The following ZDHHC13 variants were observed in gnomAD, a reference collection of about 807,000 sequenced individuals.
ZDHHC13 encodes the protein zDHHC palmitoyltransferase 13.
A neutral mutation model predicts 86.0 loss-of-function variants in ZDHHC13; 85 were observed. The ratio of observed to expected loss-of-function variants is 0.99; its 90% confidence interval spans 0.83 to 1.18. The LOEUF is 1.18. ZDHHC13 is among the 50% of genes most tolerant of loss of function. The pLI is 0.00. For synonymous variants in ZDHHC13, 263 were observed against 246.4 expected, an observed-to-expected ratio of 1.07 and a Z score of -0.63; for missense variants, 711 against 730.2, an observed-to-expected ratio of 0.97 and a Z score of 0.30.
At chr11:19,136,775 A>C (rs1214060811) in intron 1 of ZDHHC13, among the ~76,000 whole-genome samples, 1 of 152,090 alleles carries the variant, frequency 6.6e-6, no homozygotes, top group Non-Finnish European at 1.5e-5. Context: ...CAACATTCTT[A>C]AAGAAAAGAA....
chr11:19,122,869 A>G (rs1215116775), intron 1 of ZDHHC13, among the ~76,000 whole-genome samples: 1 of 152,132 alleles, frequency 6.6e-6, no homozygotes, highest in Non-Finnish European at 1.5e-5. Context: ...TACTTTCCTC[A>G]CTTTGTAGAT....
intron 14 of ZDHHC13, chr11:19,169,653 A>C: frequency 1.0e-6 from 1 of 985,506 alleles, no homozygotes; most frequent in Non-Finnish European, 1.2e-6. Context: ...CATTGGATTT[A>C]CATAACCTTG....
At chr11:19,167,304 G>A (rs16936270) in intron 14 of ZDHHC13, 16,570 of 152,080 alleles carry the variant, frequency 0.11, 1,002 homozygotes, top group Middle Eastern at 0.15. Flanking sequence ...GAGTAATTCC[G>A]AAAGACATTA....
At position 19,176,375 on chromosome 11, in the gene ZDHHC13, C is replaced by G. The variant is rs1850364280; in HGVS notation, c.*415C>G. On this transcript the variant is annotated 3_prime_UTR_variant, in exon 17 of 17. Coordinates refer to ENST00000446113, the MANE Select transcript of ZDHHC13 (RefSeq NM_019028.3). ...TGTAAAAAATATTTAAATAGATGTA[C>G]CTGTTTTGCTTTCACACTTAATAAA... The G allele has an allele frequency of 6.5e-6, 1 of 152,918 alleles. No homozygotes were observed. The highest frequency in any genetic ancestry group is 2.4e-5 in the African/African-American group (1 of 41,348). 9.5% of individuals were successfully genotyped at this position (152,918 alleles called of 1,614,324 possible). A position where few individuals can be genotyped will look rare whatever the true frequency, so the allele number is the denominator to read the frequency against.
chr11:19,140,329 TG>T (rs1849277722), intron 1 of ZDHHC13, among the ~76,000 whole-genome samples: 1 of 152,186 alleles, frequency 6.6e-6, no homozygotes. Flanking sequence ...TCACCATCAC[TG>T]GCCATCAGAG....
intron 1 of ZDHHC13, among the ~76,000 whole-genome samples, chr11:19,123,058 A>G (rs1848792012): frequency 6.6e-6 from 1 of 152,232 alleles, no homozygotes; most frequent in Non-Finnish European, 1.5e-5. Context: ...TCTGTCTCTG[A>G]CATATCTCCC....
chr11:19,169,663 G>T (rs1850167521), intron 14 of ZDHHC13: 4 of 985,470 alleles, frequency 4.1e-6, no homozygotes, highest in Non-Finnish European at 3.6e-6. Context: ...ACATAACCTT[G>T]AAGATCCGTT....
intron 1 of ZDHHC13, among the ~76,000 whole-genome samples, chr11:19,129,873 A>G (rs1036847674): frequency 5.3e-5 from 8 of 152,116 alleles, no homozygotes; most frequent in Admixed American, 2.6e-4. Context: ...CGGGTGGATC[A>G]TGAGGTCAGG....
chr11:19,155,633 C>T (rs1168030691), intron 8 of ZDHHC13, among the ~76,000 whole-genome samples, 163 bp from the exon 9 acceptor site: 3 of 149,090 alleles, frequency 2.0e-5, no homozygotes, highest in African/African-American at 4.9e-5. Flanking sequence ...ATCTCTCAAA[C>T]CTCAAATTTA....
At chr11:19,139,522 T>C (rs1415586503) in intron 1 of ZDHHC13, among the ~76,000 whole-genome samples, 1 of 128,832 alleles carries the variant, frequency 7.8e-6, no homozygotes, top group Non-Finnish European at 1.7e-5. Context: ...GCCATCCCCA[T>C]CAAGCTACCA....
intron 1 of ZDHHC13, among the ~76,000 whole-genome samples, chr11:19,131,966 A>T (rs959523881): frequency 7.9e-5 from 12 of 152,148 alleles, no homozygotes; most frequent in Non-Finnish European, 1.3e-4. Context: ...CATATCTTCA[A>T]TTTCTTTGCT....
At chr11:19,137,200 C>T (rs1849165991) in intron 1 of ZDHHC13, among the ~76,000 whole-genome samples, 1 of 151,452 alleles carries the variant, frequency 6.6e-6, no homozygotes, top group Admixed American at 6.6e-5. Flanking sequence ...CACATAGGCT[C>T]AAAATAAAAG....
intron 1 of ZDHHC13, among the ~76,000 whole-genome samples, chr11:19,133,400 C>T (rs1279044993): frequency 6.6e-6 from 1 of 150,772 alleles, no homozygotes; most frequent in South Asian, 2.1e-4. Flanking sequence ...CACACACACA[C>T]ACACACATAT....
rs1590072470 is a variant in ZDHHC13 at position 19,143,183 on chromosome 11, G to T, written c.173+60G>T. 3.3e-6 allele frequency: 5 copies of T among 1,523,424 alleles called. No individual in the cohort carries two copies. In the Admixed American group the frequency reaches 9.9e-5, roughly 30 times the overall value. 94.4% of individuals were successfully genotyped at this position (1,523,424 alleles called of 1,614,324 possible). A position where few individuals can be genotyped will look rare whatever the true frequency, so the allele number is the denominator to read the frequency against. On this transcript the variant is annotated intron_variant, in intron 2 of 16. Coordinates refer to ENST00000446113, the MANE Select transcript of ZDHHC13 (RefSeq NM_019028.3). Reference sequence around the variant, plus strand: ...TTCTCTAGAATTAATAGTAATATATGTGTAGTTCATGGAGCTTCATATGTT... The same window carrying T: ...TTCTCTAGAATTAATAGTAATATATTTGTAGTTCATGGAGCTTCATATGTT...
chr11:19,175,785 A>G (rs1332745226), intron 16 of ZDHHC13, 37 bp from the exon 17 acceptor site: 2 of 1,602,102 alleles, frequency 1.2e-6, no homozygotes, highest in African/African-American at 2.7e-5. Flanking sequence ...CACAGGAAAT[A>G]TAGTAAGACA....
chr11:19,141,246 T>C (rs912681941), intron 1 of ZDHHC13, among the ~76,000 whole-genome samples: 2 of 152,118 alleles, frequency 1.3e-5, no homozygotes, highest in African/African-American at 4.8e-5. Flanking sequence ...ATTATGTAAA[T>C]GAGTAGTCAA....
intron 1 of ZDHHC13, among the ~76,000 whole-genome samples, chr11:19,138,874 T>C: frequency 6.6e-6 from 1 of 151,388 alleles, no homozygotes; most frequent in East Asian, 1.9e-4. Context: ...CCCTTCATGC[T>C]AAAAACTCTC....
chr11:19,144,432 A>AGAGAGTGTGTGTGTGTGTGTGTGTGTGT (rs377410572), intron 2 of ZDHHC13, among the ~76,000 whole-genome samples: 5 of 143,174 alleles, frequency 3.5e-5, no homozygotes, highest in African/African-American at 1.3e-4. Context: ...AGAGCTATGG[A>AGAGAGTGTGTGTGTGTGTGTGTGTGTGT]GTGTGTGTGT....
chr11:19,171,173 G>A (rs1304125201), intron 15 of ZDHHC13, among the ~76,000 whole-genome samples: 1 of 152,134 alleles, frequency 6.6e-6, no homozygotes, highest in African/African-American at 2.4e-5. Context: ...AGAAGGCCAT[G>A]GCCATTAGAA....
Sources: gnomAD v4.1 joint callset for allele counts (sites outside exome capture counted in the v4.1 genomes callset) on GRCh38, gnomAD v4.1.1 for gene constraint, MANE v1.5 for transcripts, NCBI Gene and HGNC (gene_info 2026-07-23, HGNC 2026-07-21) for gene names.